CELF2: variants seen among roughly 807,000 people sequenced by gnomAD.
CELF2 encodes the protein CUGBP Elav-like family member 2.
A neutral mutation model predicts 62.6 loss-of-function variants in CELF2; 8 were observed. That is an observed-to-expected ratio of 0.13 (90% CI 0.07 to 0.23). The LOEUF is 0.23. Ranked by LOEUF, CELF2 falls within the 10% of genes least tolerant of loss-of-function variation. The pLI, the probability that CELF2 is intolerant of heterozygous loss-of-function variation, is 1.00. For missense variants in CELF2, 333 were observed against 671.0 expected (o/e 0.50, Z 5.56); for synonymous variants, 258 against 250.0 (o/e 1.03, Z -0.30).
At chr10:10,498,012 G>T in the CELF2 span, among the ~76,000 whole-genome samples, 1 of 152,198 alleles carries the variant, frequency 6.6e-6, no homozygotes, top group Admixed American at 6.5e-5. Flanking sequence ...CCAGACAGTC[G>T]TGATAAGAGG....
At chr10:11,312,595 G>A (rs1251846219) in intron 9 of CELF2, among the ~76,000 whole-genome samples, 1 of 152,162 alleles carries the variant, frequency 6.6e-6, no homozygotes, top group Non-Finnish European at 1.5e-5. Context: ...GAAAGAGTAG[G>A]AATACTATGC....
At chr10:11,096,554 G>A (rs950247813) in intron 1 of CELF2, 14 of 152,198 alleles carry the variant, frequency 9.2e-5, no homozygotes, top group African/African-American at 3.1e-4. Flanking sequence ...GGAAACTGCT[G>A]CAATCTCTCA....
intron 2 of CELF2, among the ~76,000 whole-genome samples, chr10:10,961,636 C>T (rs1352911432): frequency 6.6e-6 from 1 of 151,438 alleles, no homozygotes; most frequent in African/African-American, 2.4e-5. Context: ...ATCCCAGCTA[C>T]GCAGGAGGCT....
chr10:11,256,168 C>T (rs1197020166), intron 4 of CELF2, among the ~76,000 whole-genome samples: 1 of 152,242 alleles, frequency 6.6e-6, no homozygotes, highest in African/African-American at 2.4e-5. Context: ...ATGTGTGGCT[C>T]TTTAATTAAA....
intron 3 of CELF2, among the ~76,000 whole-genome samples, chr10:11,233,184 T>C (rs2069523709): frequency 6.6e-6 from 1 of 152,164 alleles, no homozygotes; most frequent in South Asian, 2.1e-4. Context: ...GGGCCTGGGC[T>C]ACAGCTCAGA....
intron 1 of CELF2, among the ~76,000 whole-genome samples, chr10:11,024,371 G>A (rs913114693): frequency 3.3e-5 from 5 of 152,194 alleles, no homozygotes; most frequent in Non-Finnish European, 7.3e-5. Context: ...TTGGGAGGCC[G>A]AGGCAGGCGA....
chr10:11,136,575 G>A (rs2060470147), intron 1 of CELF2, among the ~76,000 whole-genome samples: 1 of 152,162 alleles, frequency 6.6e-6, no homozygotes, highest in Non-Finnish European at 1.5e-5. Flanking sequence ...CTGCATTCCA[G>A]CCTGGGCAAC....
At chr10:10,641,401 C>G in the CELF2 span, among the ~76,000 whole-genome samples, 1 of 152,110 alleles carries the variant, frequency 6.6e-6, no homozygotes, top group Non-Finnish European at 1.5e-5. Flanking sequence ...TATTGTTTTT[C>G]TTCCCCTTAC....
At position 11,268,096 on chromosome 10, in the gene CELF2, G is replaced by A. The variant is rs903286084; in HGVS notation, c.618+1419G>A. Among the ~76,000 whole-genome samples the A allele has an allele frequency of 2.6e-5, 4 of 152,138 alleles. No homozygotes were observed. The highest frequency in any genetic ancestry group is 7.2e-5 in the African/African-American group (3 of 41,424). On this transcript the variant is annotated intron_variant, in intron 6 of 12. Transcript: ENST00000633077. The surrounding 1 kb of genome is among the most constrained non-coding windows in gnomAD (Gnocchi z 4.7). ...AATCTTGTCTGACACGCAGTTACAC[G>A]TGTGATGGCGTTTTGCTTCCCTCTT...
intron 1 of CELF2, among the ~76,000 whole-genome samples, chr10:11,130,352 T>C (rs2059431323): frequency 6.6e-6 from 1 of 152,236 alleles, no homozygotes; most frequent in South Asian, 2.1e-4. Context: ...CAAAACTGTC[T>C]CACAAGCTCC....
At chr10:10,754,061 G>GTTTTTTTT in the CELF2 span, among the ~76,000 whole-genome samples, 13 of 85,040 alleles carry the variant, frequency 1.5e-4, no homozygotes, top group African/African-American at 1.8e-4. Flanking sequence ...TGCTGAGGTG[G>GTTTTTTTT]TTTTTTTTTT....
At chr10:10,525,766 C>T in the CELF2 span, among the ~76,000 whole-genome samples, 1 of 152,190 alleles carries the variant, frequency 6.6e-6, no homozygotes, top group African/African-American at 2.4e-5. Flanking sequence ...CGTATCTTTC[C>T]TGTTGTCTAA....
the CELF2 span, among the ~76,000 whole-genome samples, chr10:10,631,499 C>T: frequency 6.6e-6 from 1 of 152,156 alleles, no homozygotes; most frequent in Non-Finnish European, 1.5e-5. Context: ...AACGTTTCAT[C>T]CCACCACCAC....
At chr10:10,771,340 C>T in the CELF2 span, among the ~76,000 whole-genome samples, 1 of 152,286 alleles carries the variant, frequency 6.6e-6, no homozygotes, top group South Asian at 2.1e-4. Context: ...GCTCAGGTTA[C>T]TGGTGCCATC....
chr10:10,636,890 A>G, the CELF2 span, among the ~76,000 whole-genome samples: 1 of 152,210 alleles, frequency 6.6e-6, no homozygotes, highest in Admixed American at 6.5e-5. Context: ...ATTAACAGAA[A>G]GAAAAACTAT....
At chr10:11,240,078 A>G (rs538647859) in intron 3 of CELF2, among the ~76,000 whole-genome samples, 4 of 152,336 alleles carry the variant, frequency 2.6e-5, no homozygotes, top group East Asian at 1.9e-4. Flanking sequence ...TGTGCCTACT[A>G]TGTTAATCGT....
chr10:10,651,690 G>C, the CELF2 span, among the ~76,000 whole-genome samples: 6 of 150,670 alleles, frequency 4.0e-5, no homozygotes, highest in Admixed American at 2.6e-4. Context: ...CTAACAAACA[G>C]AAAAGACATC....
chr10:10,538,924 C>T, the CELF2 span, among the ~76,000 whole-genome samples: 1 of 152,120 alleles, frequency 6.6e-6, no homozygotes, highest in African/African-American at 2.4e-5. Context: ...TTTAATTTTC[C>T]CGCAATTCTC....
intron 2 of CELF2, among the ~76,000 whole-genome samples, chr10:11,201,560 C>T (rs936742120): frequency 6.6e-6 from 1 of 152,214 alleles, no homozygotes; most frequent in Non-Finnish European, 1.5e-5. Flanking sequence ...CTTTAGGAAG[C>T]CTTTAGTCAC....
Sources: allele counts gnomAD v4.1 joint callset (sites outside exome capture counted in the v4.1 genomes callset), GRCh38; gene constraint gnomAD v4.1.1; non-coding constraint Gnocchi (gnomAD v3.1); transcripts MANE v1.5; gene names NCBI Gene and HGNC (gene_info 2026-07-23, HGNC 2026-07-21).